The following CNTN4 variants were observed in gnomAD, a reference collection of about 807,000 sequenced individuals.
CNTN4 encodes the protein contactin-4.
CNTN4 carries 77 observed loss-of-function variants against 122.5 expected under a neutral mutation model. The ratio of observed to expected loss-of-function variants is 0.63; its 90% CI spans 0.52 to 0.76. The LOEUF (loss-of-function observed/expected upper bound fraction) is 0.76. Among genes scored for constraint, CNTN4 ranks in the 30% least tolerant of loss-of-function variants. The pLI is 0.00. For synonymous variants in CNTN4, 512 were observed against 447.0 expected, an observed-to-expected ratio of 1.15 and a Z score of -1.83; for missense variants, 1,256 against 1,259.1, an observed-to-expected ratio of 1.00 and a Z score of 0.04.
At chr3:2,680,347 T>A (rs1339130851) in intron 4 of CNTN4, among the ~76,000 whole-genome samples, 1 of 152,150 alleles carries the variant, frequency 6.6e-6, no homozygotes, top group African/African-American at 2.4e-5. Context: ...GGTAACAAGA[T>A]GAGCAAGAGT....
At chr3:2,662,945 T>C (rs911284278) in intron 4 of CNTN4, among the ~76,000 whole-genome samples, 1 of 151,836 alleles carries the variant, frequency 6.6e-6, no homozygotes, top group Admixed American at 6.6e-5. Context: ...TATTTTAGTA[T>C]ACAAAAATTA....
At chr3:2,480,195 A>C (rs183183539) in intron 3 of CNTN4, among the ~76,000 whole-genome samples, 1 of 152,250 alleles carries the variant, frequency 6.6e-6, no homozygotes, top group African/African-American at 2.4e-5. Context: ...AAGTTTTCCT[A>C]CCAGGATCAG....
chr3:2,375,397 G>A (rs1218362992), intron 3 of CNTN4, among the ~76,000 whole-genome samples: 4 of 152,034 alleles, frequency 2.6e-5, no homozygotes, highest in Non-Finnish European at 5.9e-5. Flanking sequence ...AAAACTGAAG[G>A]AGATGGGTCA....
intron 6 of CNTN4, among the ~76,000 whole-genome samples, chr3:2,785,836 A>G (rs1252154185): frequency 2.7e-5 from 4 of 149,626 alleles, no homozygotes; most frequent in African/African-American, 7.3e-5. Flanking sequence ...AAGTGAGAAC[A>G]TGCCTTCCTG....
At chr3:2,533,345 C>T (rs1237422354) in intron 3 of CNTN4, among the ~76,000 whole-genome samples, 1 of 151,988 alleles carries the variant, frequency 6.6e-6, no homozygotes, top group Non-Finnish European at 1.5e-5. Context: ...CAAGTGTTCT[C>T]ATTATTCAAT....
At chr3:2,692,011 C>T (rs2085765948) in intron 4 of CNTN4, among the ~76,000 whole-genome samples, 1 of 152,186 alleles carries the variant, frequency 6.6e-6, no homozygotes, top group Non-Finnish European at 1.5e-5. Context: ...TGAATGTCAA[C>T]ACCCTGCGTC....
At chr3:2,618,705 T>C (rs2081876321) in intron 4 of CNTN4, among the ~76,000 whole-genome samples, 1 of 152,188 alleles carries the variant, frequency 6.6e-6, no homozygotes, top group Non-Finnish European at 1.5e-5. Flanking sequence ...TACTGGAAAT[T>C]TTGATTATCA....
intron 3 of CNTN4, among the ~76,000 whole-genome samples, chr3:2,560,138 T>C (rs1304926650): frequency 7.1e-6 from 1 of 141,470 alleles, no homozygotes; most frequent in Non-Finnish European, 1.6e-5. Context: ...TTATTCTTTT[T>C]CTTTTTCTTT....
At chr3:2,980,941 GCTT>G (rs1350291037) in intron 13 of CNTN4, among the ~76,000 whole-genome samples, 1 of 152,102 alleles carries the variant, frequency 6.6e-6, no homozygotes, top group African/African-American at 2.4e-5. Flanking sequence ...CCTGTTGTCT[GCTT>G]CTTGCTGTAC....
chr3:2,967,369 T>C (rs1280793371), intron 13 of CNTN4, among the ~76,000 whole-genome samples: 1 of 152,060 alleles, frequency 6.6e-6, no homozygotes, highest in African/African-American at 2.4e-5. Flanking sequence ...CAAGAGCAGT[T>C]TGGGGAGGGA....
intron 2 of CNTN4, among the ~76,000 whole-genome samples, chr3:2,323,823 T>C (rs1559452762): frequency 1.3e-5 from 2 of 152,154 alleles, no homozygotes; most frequent in Non-Finnish European, 2.9e-5. Flanking sequence ...ATACAAACAA[T>C]TTTGGGAGAC....
intron 3 of CNTN4, among the ~76,000 whole-genome samples, chr3:2,562,650 A>G (rs946259704): frequency 3.3e-5 from 5 of 151,592 alleles, no homozygotes; most frequent in Admixed American, 2.6e-4. Context: ...GGTTGATTCT[A>G]TGACCATGAA....
intron 6 of CNTN4, among the ~76,000 whole-genome samples, chr3:2,785,917 T>G (rs893265634): frequency 1.1e-3 from 8 of 7,374 alleles, no homozygotes; most frequent in Non-Finnish European, 2.0e-3. Flanking sequence ...CCCCCCATCC[T>G]GTACCCATAA....
chr3:2,415,650 C>T (rs1207460808), intron 3 of CNTN4, among the ~76,000 whole-genome samples: 3 of 152,138 alleles, frequency 2.0e-5, no homozygotes, highest in Non-Finnish European at 4.4e-5. Context: ...CTTTGGTCTG[C>T]TAATTTCCTT....
Position 2,841,801 on chromosome 3 carries a change from T to G in CNTN4, c.454+22220T>G, listed in dbSNP as rs965554014. ...ATTCTTCCTCCCTTGACCACAAATA[T>G]TAAACGTTTCACCAGGGAAATGGCT... On this transcript the variant is annotated intron_variant, in intron 7 of 24. Transcript: ENST00000418658. This position sits in a 1 kb window ranked among gnomAD's most constrained non-coding sequence, Gnocchi z 4.8. Among the ~76,000 whole-genome samples the G allele has an allele frequency of 4.0e-5, 6 of 151,388 alleles. No individual in the cohort carries two copies. Among genetic ancestry groups the G allele is most frequent in the Non-Finnish European group, 7.3e-5 (5 of 68,030 alleles).
chr3:2,574,192 G>A (rs1019549234), intron 4 of CNTN4, among the ~76,000 whole-genome samples: 1 of 152,140 alleles, frequency 6.6e-6, no homozygotes, highest in Admixed American at 6.5e-5. Context: ...CTCCAGCCTG[G>A]GCAACAAGAG....
chr3:2,844,837 TTCTGGATAAACAG>T (rs2093427464), intron 7 of CNTN4, among the ~76,000 whole-genome samples: 1 of 152,160 alleles, frequency 6.6e-6, no homozygotes, highest in Non-Finnish European at 1.5e-5. Flanking sequence ...TTAACTGACT[TTCTGGATAAACAG>T]TCTCTTCATT....
At chr3:2,586,220 G>A (rs2080196846) in intron 4 of CNTN4, among the ~76,000 whole-genome samples, 1 of 152,122 alleles carries the variant, frequency 6.6e-6, no homozygotes, top group Admixed American at 6.6e-5. Flanking sequence ...CTTAGCTTCC[G>A]ACCTTACTGT....
At chr3:2,933,593 A>G (rs761969347) in intron 13 of CNTN4, among the ~76,000 whole-genome samples, 3 of 152,044 alleles carry the variant, frequency 2.0e-5, no homozygotes, top group Non-Finnish European at 4.4e-5. Flanking sequence ...ATTTTCTTTC[A>G]CGCTAGTAAA....
Sources: gnomAD v4.1 joint callset for allele counts (sites outside exome capture counted in the v4.1 genomes callset) on GRCh38, gnomAD v4.1.1 for gene constraint, Gnocchi (gnomAD v3.1) non-coding constraint, MANE v1.5 for transcripts, NCBI Gene and HGNC (gene_info 2026-07-23, HGNC 2026-07-21) for gene names.